HILPDA: variants seen among roughly 807,000 people sequenced by gnomAD.
HILPDA encodes the protein hypoxia inducible lipid droplet associated, also known as hypoxia-inducible lipid droplet-associated protein.
For missense variants in HILPDA, 72 were observed against 73.5 expected, an observed-to-expected ratio of 0.98 and a Z score of 0.08; for synonymous variants, 37 against 33.2, an observed-to-expected ratio of 1.12 and a Z score of -0.40.
chr7:128,455,998 A>T lies in HILPDA; in HGVS notation c.-94A>T, dbSNP rs924390545. ...GCACGACCTGCTCCTACAGCCGGCG[A>T]TCCACTCCCGGCTGTTCCCCCGGAG... is the stretch of plus-strand genomic sequence containing the variant. On this transcript the variant is annotated 5_prime_UTR_variant, in exon 1 of 2. Transcript: ENST00000257696. 2 of 456,264 alleles carry T rather than the reference A, an allele frequency of 4.4e-6. No homozygotes were observed. The highest frequency in any genetic ancestry group is 8.8e-6 in the Non-Finnish European group (2 of 226,880). The allele number at this position is 456,264 out of a possible 1,614,324, so 28.3% of individuals were successfully genotyped here. A position where few individuals can be genotyped will look rare whatever the true frequency, so the allele number is the denominator to read the frequency against.
intron 1 of HILPDA, among the ~76,000 whole-genome samples, chr7:128,456,921 C>T (rs550317999): frequency 6.6e-6 from 1 of 152,332 alleles, no homozygotes; most frequent in East Asian, 1.9e-4. Context: ...CTCGGCCTCC[C>T]AGAGCGCTGG....
chr7:128,457,563 A>G lies in HILPDA; in HGVS notation c.*103A>G. 3.6e-6 allele frequency: 4 copies of G among 1,110,658 alleles called. No individual in the cohort carries two copies. Among genetic ancestry groups the G allele is most frequent in the Non-Finnish European group, 5.3e-6 (4 of 749,608 alleles). 68.8% of individuals were successfully genotyped at this position (1,110,658 alleles called of 1,614,324 possible). A position where few individuals can be genotyped will look rare whatever the true frequency, so the allele number is the denominator to read the frequency against. ...ACAAGCTGAGCACCGTTGTAACCAG[A>G]GAACTATTACTAGGCCTTGAAGAAC... is the stretch of plus-strand genomic sequence containing the variant. On this transcript the variant is annotated 3_prime_UTR_variant, in exon 2 of 2. Coordinates refer to ENST00000257696, the MANE Select transcript of HILPDA (RefSeq NM_013332.4).
In HILPDA at chr7:128,455,882, T is replaced by C; in HGVS notation, c.-210T>C. 2.2e-6 allele frequency: 1 copy of C among 456,716 alleles called. No homozygotes were observed. The highest frequency in any genetic ancestry group is 1.5e-5 in the South Asian group (1 of 64,562). 28.3% of individuals were successfully genotyped at this position (456,716 alleles called of 1,614,324 possible). On this transcript the variant is annotated 5_prime_UTR_variant, in exon 1 of 2. Coordinates refer to ENST00000257696, the MANE Select transcript of HILPDA (RefSeq NM_013332.4). ...GAGGCTGGGCGGCGTTGCTCTGCGCTCTGCGGCTGACGGCGCTTTTGTCTC... is the reference window on the plus strand; with the variant it reads ...GAGGCTGGGCGGCGTTGCTCTGCGCCCTGCGGCTGACGGCGCTTTTGTCTC...
rs1215816580 is a variant in HILPDA at position 128,458,094 on chromosome 7, A to G, written c.*634A>G. On this transcript the variant is annotated 3_prime_UTR_variant, in exon 2 of 2. Coordinates refer to ENST00000257696, the MANE Select transcript of HILPDA (RefSeq NM_013332.4). ...CTGTTGGGAGATGGTGATATTTTCAACCCTACTTCCTAAACATCTGTCTGG... is the reference window on the plus strand; with the variant it reads ...CTGTTGGGAGATGGTGATATTTTCAGCCCTACTTCCTAAACATCTGTCTGG... 1 of 167,176 alleles carries G rather than the reference A, an allele frequency of 6.0e-6. No individual in the cohort carries two copies. The highest frequency in any genetic ancestry group is 1.5e-5 in the Non-Finnish European group (1 of 68,222). 10.4% of individuals were successfully genotyped at this position (167,176 alleles called of 1,614,324 possible).
chr7:128,457,157 A>G, intron 1 of HILPDA, 44 bp from the exon 2 acceptor site: 1 of 879,836 alleles, frequency 1.1e-6, no homozygotes, highest in Non-Finnish European at 1.8e-6. Context: ...ATGCATGCAT[A>G]TCCCCAAAAG....
chr7:128,457,087 G>A, intron 1 of HILPDA, 114 bp from the exon 2 acceptor site: 1 of 501,472 alleles, frequency 2.0e-6, no homozygotes, highest in Non-Finnish European at 3.6e-6. Context: ...TGGTCCCTGT[G>A]TCCCTCACTG....
chr7:128,456,030 G>C lies in HILPDA; in HGVS notation c.-69+7G>C, dbSNP rs753458129. 4.4e-6 allele frequency: 2 copies of C among 454,206 alleles called. No individual in the cohort carries two copies. Among genetic ancestry groups the C allele is most frequent in the Non-Finnish European group, 8.9e-6 (2 of 225,658 alleles). 28.1% of individuals were successfully genotyped at this position (454,206 alleles called of 1,614,324 possible). On this transcript the variant is annotated splice_region_variant and intron_variant, in intron 1 of 1. Transcript: ENST00000257696. ...CCCGGCTGTTCCCCCGGAGGTGAGCGGCCCTGTGGGCTTCCCCGGCTCCCC... is the reference window on the plus strand; with the variant it reads ...CCCGGCTGTTCCCCCGGAGGTGAGCCGCCCTGTGGGCTTCCCCGGCTCCCC...
rs951959036 is a variant in HILPDA at position 128,457,607 on chromosome 7, A to G, written c.*147A>G. 2.5e-6 allele frequency: 2 copies of G among 784,866 alleles called. No individual in the cohort carries two copies. The highest frequency in any genetic ancestry group is 4.1e-6 in the Non-Finnish European group (2 of 486,666). 48.6% of individuals were successfully genotyped at this position (784,866 alleles called of 1,614,324 possible). Reference sequence around the variant, plus strand: ...GAAGAACCTGTCTAACTGGATGCTCATTGCCTGGGCAAGGCCTGTTTAGGC... The same window carrying G: ...GAAGAACCTGTCTAACTGGATGCTCGTTGCCTGGGCAAGGCCTGTTTAGGC... On this transcript the variant is annotated 3_prime_UTR_variant, in exon 2 of 2. Transcript: ENST00000257696.
At position 128,457,195 on chromosome 7, in the gene HILPDA, TC is replaced by T. The variant is rs1260276572; in HGVS notation, c.-68-5del. On this transcript the variant is annotated splice_polypyrimidine_tract_variant and splice_region_variant and intron_variant, in intron 1 of 1. Coordinates refer to ENST00000257696, the MANE Select transcript of HILPDA (RefSeq NM_013332.4). Reference sequence around the variant, plus strand: ...TATAGATTCATCCTTTCCTCTTTTTTCTCAGGGTCCAGAGGCCTTTCAGAAG... The same window carrying T: ...TATAGATTCATCCTTTCCTCTTTTTTTCAGGGTCCAGAGGCCTTTCAGAAG... 2 of 1,277,280 alleles carry T rather than the reference TC, an allele frequency of 1.6e-6. No homozygotes were observed. The highest frequency in any genetic ancestry group is 2.2e-6 in the Non-Finnish European group (2 of 909,974). The allele number at this position is 1,277,280 out of a possible 1,614,324, so 79.1% of individuals were successfully genotyped here. A position where few individuals can be genotyped will look rare whatever the true frequency, so the allele number is the denominator to read the frequency against.
Position 128,458,117 on chromosome 7 carries a change from T to C in HILPDA, c.*657T>C, listed in dbSNP as rs1799571250. 6.0e-6 allele frequency: 1 copy of C among 166,496 alleles called. No homozygotes were observed. Among genetic ancestry groups the C allele is most frequent in the Non-Finnish European group, 1.5e-5 (1 of 67,898 alleles). 10.3% of individuals were successfully genotyped at this position (166,496 alleles called of 1,614,324 possible). A position where few individuals can be genotyped will look rare whatever the true frequency, so the allele number is the denominator to read the frequency against. Reference sequence around the variant, plus strand: ...CAACCCTACTTCCTAAACATCTGTCTGGGGTTCCTTTAGTCTTGAATGTCT... The same window carrying C: ...CAACCCTACTTCCTAAACATCTGTCCGGGGTTCCTTTAGTCTTGAATGTCT... On this transcript the variant is annotated 3_prime_UTR_variant, in exon 2 of 2. Coordinates refer to ENST00000257696, the MANE Select transcript of HILPDA (RefSeq NM_013332.4).
rs1182315775 is a variant in HILPDA at position 128,455,914 on chromosome 7, GT to G, written c.-174del. On this transcript the variant is annotated 5_prime_UTR_variant, in exon 1 of 2. Transcript: ENST00000257696. ...CTGACGGCGCTTTTGTCTCCGGTGA[GT>G]TTTGTGGCGGGAAGCTTCTGCGCTG... The G allele has an allele frequency of 6.6e-6, 3 of 456,654 alleles. No homozygotes were observed. The highest frequency in any genetic ancestry group is 6.0e-5 in the African/African-American group (3 of 50,100). The allele number at this position is 456,654 out of a possible 1,614,324, so 28.3% of individuals were successfully genotyped here.
chr7:128,457,498 T>A lies in HILPDA; in HGVS notation c.*38T>A. The A allele has an allele frequency of 6.3e-7, 1 of 1,579,002 alleles. No individual in the cohort carries two copies. Among genetic ancestry groups the A allele is most frequent in the Non-Finnish European group, 8.7e-7 (1 of 1,148,992 alleles). On this transcript the variant is annotated 3_prime_UTR_variant, in exon 2 of 2. Transcript: ENST00000257696. Reference sequence around the variant, plus strand: ...CCATACTGGCCATATTTTGGAACACTGACCTAGACATGTCCAGATGGGAGT... The same window carrying A: ...CCATACTGGCCATATTTTGGAACACAGACCTAGACATGTCCAGATGGGAGT...
At position 128,457,422 on chromosome 7, in the gene HILPDA, A is replaced by C. The variant is rs772887080; in HGVS notation, c.154A>C (p.Thr52Pro). 2.5e-5 allele frequency: 41 copies of C among 1,614,066 alleles called. No homozygotes were observed. The highest frequency in any genetic ancestry group is 3.3e-5 in the Non-Finnish European group (39 of 1,180,024). Reference sequence around the variant, plus strand: ...AAGCCAACTAGCCAACACAGAGCCCACCAAGGGCCTTCCAGACCATCCATC... The same window carrying C: ...AAGCCAACTAGCCAACACAGAGCCCCCCAAGGGCCTTCCAGACCATCCATC... ...TRSQLANTEP[T>P]KGLPDHPSRS... The change falls in exon 2 of 2, where the codon ACC becomes CCC. Residue 52 changes from threonine to proline, a missense_variant. Coordinates refer to ENST00000257696, the MANE Select transcript of HILPDA (RefSeq NM_013332.4).
In HILPDA at chr7:128,457,724, CA is replaced by C. The variant is rs1489958922; in HGVS notation, c.*266del. 1 of 316,766 alleles carries C rather than the reference CA, an allele frequency of 3.2e-6. No homozygotes were observed. The highest frequency in any genetic ancestry group is 6.1e-6 in the Non-Finnish European group (1 of 163,058). 19.6% of individuals were successfully genotyped at this position (316,766 alleles called of 1,614,324 possible). ...GTCAGGAGTTCGAGACCAGCCTCGC[CA>C]ACATGGCGAAACCCCATCTCTACTA... On this transcript the variant is annotated 3_prime_UTR_variant, in exon 2 of 2. Coordinates refer to ENST00000257696, the MANE Select transcript of HILPDA (RefSeq NM_013332.4).
At position 128,457,434 on chromosome 7, in the gene HILPDA, C is replaced by G; in HGVS notation, c.166C>G (p.Pro56Ala). The change falls in exon 2 of 2, where the codon CCA becomes GCA. Residue 56 changes from proline (P) to alanine (A), a missense_variant. Coordinates refer to ENST00000257696, the MANE Select transcript of HILPDA (RefSeq NM_013332.4). The stretch of plus-strand genomic sequence containing the variant: ...CAACACAGAGCCCACCAAGGGCCTT[C>G]CAGACCATCCATCCAGAAGCATGTG... ...LANTEPTKGL[P>A]DHPSRSM is the part of the protein sequence containing the mutation. 1 of 1,614,184 alleles carries G rather than the reference C, an allele frequency of 6.2e-7. No individual in the cohort carries two copies. Among genetic ancestry groups the G allele is most frequent in the Non-Finnish European group, 8.5e-7 (1 of 1,180,012 alleles).
At position 128,457,325 on chromosome 7, in the gene HILPDA, C is replaced by G. The variant is rs762190962; in HGVS notation, c.57C>G (p.Ile19Met). ...GTGTGGTACTGACCCTACTCTCCAT[C>G]TTCGTTAGAGTGATGGAGTCCCTAG... The part of the protein sequence containing the change: ...LLGVVLTLLS[I>M]FVRVMESLEG... Residue 19 changes from isoleucine to methionine, a missense_variant, in exon 2 of 2, where the codon ATC (isoleucine) becomes ATG (methionine). Physicochemically the swap from Ile to Met is conservative, Grantham distance 10. Transcript: ENST00000257696. 6.2e-7 allele frequency: 1 copy of G among 1,614,116 alleles called. No homozygotes were observed. The highest frequency in any genetic ancestry group is 8.5e-7 in the Non-Finnish European group (1 of 1,179,992).
Position 128,455,905 on chromosome 7 carries a change from C to A in HILPDA, c.-187C>A, listed in dbSNP as rs953642264. On this transcript the variant is annotated 5_prime_UTR_variant, in exon 1 of 2. Coordinates refer to ENST00000257696, the MANE Select transcript of HILPDA (RefSeq NM_013332.4). ...GCTCTGCGGCTGACGGCGCTTTTGT[C>A]TCCGGTGAGTTTTGTGGCGGGAAGC... 2.2e-6 allele frequency: 1 copy of A among 456,754 alleles called. No individual in the cohort carries two copies. The highest frequency in any genetic ancestry group is 2.3e-5 in the Admixed American group (1 of 42,584). 28.3% of individuals were successfully genotyped at this position (456,754 alleles called of 1,614,324 possible). A position where few individuals can be genotyped will look rare whatever the true frequency, so the allele number is the denominator to read the frequency against.
In HILPDA at chr7:128,458,093, A is replaced by G. The variant is rs1799570848; in HGVS notation, c.*633A>G. On this transcript the variant is annotated 3_prime_UTR_variant, in exon 2 of 2. Coordinates refer to ENST00000257696, the MANE Select transcript of HILPDA (RefSeq NM_013332.4). ...GCTGTTGGGAGATGGTGATATTTTC[A>G]ACCCTACTTCCTAAACATCTGTCTG... 6.0e-6 allele frequency: 1 copy of G among 167,304 alleles called. No homozygotes were observed. The highest frequency in any genetic ancestry group is 2.1e-4 in the South Asian group (1 of 4,828). 10.4% of individuals were successfully genotyped at this position (167,304 alleles called of 1,614,324 possible).
chr7:128,457,701 C>T lies in HILPDA; in HGVS notation c.*241C>T, dbSNP rs1799563775. 2.6e-6 allele frequency: 1 copy of T among 381,742 alleles called. No homozygotes were observed. Among genetic ancestry groups the T allele is most frequent in the Non-Finnish European group, 5.0e-6 (1 of 201,972 alleles). 23.6% of individuals were successfully genotyped at this position (381,742 alleles called of 1,614,324 possible). A position where few individuals can be genotyped will look rare whatever the true frequency, so the allele number is the denominator to read the frequency against. On this transcript the variant is annotated 3_prime_UTR_variant, in exon 2 of 2. Coordinates refer to ENST00000257696, the MANE Select transcript of HILPDA (RefSeq NM_013332.4). The stretch of plus-strand genomic sequence containing the variant: ...CTGAGGTGGGTGGATCACCTGAGGT[C>T]AGGAGTTCGAGACCAGCCTCGCCAA...
Sources: allele counts gnomAD v4.1 joint callset (sites outside exome capture counted in the v4.1 genomes callset), GRCh38; gene constraint gnomAD v4.1.1; transcripts MANE v1.5; gene names NCBI Gene and HGNC (gene_info 2026-07-23, HGNC 2026-07-21).